Variants in HIP1 observed in about 807,000 individuals in gnomAD.
HIP1 encodes the protein huntingtin interacting protein 1.
Under a neutral mutation model 147.6 loss-of-function variants are expected in HIP1, and 65 were observed. The observed-to-expected ratio is 0.44, with a 90% CI of 0.36 to 0.54. The LOEUF is 0.54. Ranked by LOEUF, HIP1 falls within the 20% of genes least tolerant of loss-of-function variation. The pLI, the probability that HIP1 is intolerant of heterozygous loss-of-function variation, is 0.00. For missense variants in HIP1, 1,061 were observed against 1,299.6 expected (o/e 0.82, Z 2.82); for synonymous variants, 479 against 504.0 (o/e 0.95, Z 0.67).
intron 1 of HIP1, among the ~76,000 whole-genome samples, chr7:75,648,825 G>T (rs1455367763): frequency 2.0e-5 from 3 of 152,026 alleles, no homozygotes; most frequent in Non-Finnish European, 4.4e-5. Flanking sequence ...AGGAATCAGG[G>T]TCAGGTTCAG....
chr7:75,548,091 C>A (rs191650447), intron 23 of HIP1, among the ~76,000 whole-genome samples: 4 of 151,866 alleles, frequency 2.6e-5, no homozygotes, highest in African/African-American at 7.3e-5. Context: ...GTGAGCGGTA[C>A]GATCTCGGCT....
intron 1 of HIP1, among the ~76,000 whole-genome samples, chr7:75,646,819 A>G (rs1460779248): frequency 6.6e-6 from 1 of 152,212 alleles, no homozygotes; most frequent in Admixed American, 6.5e-5. Flanking sequence ...GAGCTGTAGC[A>G]TAAATGAGTG....
chr7:75,625,319 T>C (rs1222582897), intron 1 of HIP1: 1 of 152,326 alleles, frequency 6.6e-6, no homozygotes, highest in Non-Finnish European at 1.5e-5. Flanking sequence ...AACTCACAGA[T>C]CACTAAGACT....
chr7:75,634,447 T>C (rs1179632), intron 1 of HIP1, among the ~76,000 whole-genome samples: 114,017 of 152,210 alleles, frequency 0.75, 43,553 homozygotes, highest in African/African-American at 0.91. Context: ...TCTTTTTCAT[T>C]ACCTTTTATT....
intron 1 of HIP1, 64 bp from the exon 2 acceptor site, chr7:75,599,311 GA>G (rs1796884453): frequency 7.9e-7 from 1 of 1,262,598 alleles, no homozygotes. Context: ...GAGTGGCTGA[GA>G]CCCTCCCAGA....
At position 75,693,919 on chromosome 7, in the gene HIP1, C is replaced by CTTTTTT. The variant is rs10628011; in HGVS notation, c.120+44876_120+44881dup. On this transcript the variant is annotated intron_variant, in intron 1 of 30. Transcript: ENST00000336926. ...GTTCAGAACTATCCAATTCTCTTTT[C>CTTTTTT]TTTTTTTTTTTTTTTTTTGAGATGG... Among the ~76,000 whole-genome samples the CTTTTTT allele has an allele frequency of 1.6e-3, 183 of 114,818 alleles. 3 individuals carry two copies. The highest frequency in any genetic ancestry group is 1.8e-3 in the Non-Finnish European group (106 of 59,380). 75.3% of individuals were successfully genotyped at this position (114,818 alleles called of 152,430 possible).
At chr7:75,660,544 C>CA (rs773805677) in intron 1 of HIP1, among the ~76,000 whole-genome samples, 4 of 151,796 alleles carry the variant, frequency 2.6e-5, no homozygotes, top group Non-Finnish European at 5.9e-5. Flanking sequence ...AAAACACACA[C>CA]AAAAAAGGCA....
intron 1 of HIP1, among the ~76,000 whole-genome samples, chr7:75,681,723 C>T (rs1349294448): frequency 2.6e-5 from 4 of 151,584 alleles, no homozygotes; most frequent in Non-Finnish European, 5.9e-5. Context: ...CCCTGGGTGG[C>T]CTTGAACTCC....
chr7:75,726,803 A>G (rs1170000986), intron 1 of HIP1, among the ~76,000 whole-genome samples: 1 of 150,278 alleles, frequency 6.7e-6, no homozygotes, highest in East Asian at 2.0e-4. Flanking sequence ...CCGCCTCCCA[A>G]ATAGCTGGGA....
At position 75,582,134 on chromosome 7, in the gene HIP1, G is replaced by A; in HGVS notation, c.483C>T (p.Gly161=). 1.2e-6 allele frequency: 2 copies of A among 1,613,808 alleles called. No homozygotes were observed. Among genetic ancestry groups the A allele is most frequent in the East Asian group, 2.2e-5 (1 of 44,868 alleles). The change falls in exon 6 of 31, where the codon GGC becomes GGT. Residue 161 remains glycine (G), a synonymous_variant. Coordinates refer to ENST00000336926, the MANE Select transcript of HIP1 (RefSeq NM_005338.7). ...GCTGGCGGTCACTCATCTGCAGGTT[G>A]CCTGGGAACCTGGGATTCTGGAAGG... ...EYHTKNPRFP[G]NLQMSDRQLD...
chr7:75,554,063 G>A, intron 21 of HIP1, 50 bp downstream of exon 21: 1 of 1,416,792 alleles, frequency 7.1e-7, no homozygotes, highest in South Asian at 1.2e-5. Flanking sequence ...ACTTTTAAAG[G>A]CCCCCTGCTC....
At chr7:75,539,298 G>A (rs911316288) in intron 30 of HIP1, 25 bp downstream of exon 30, 1 of 1,552,154 alleles carries the variant, frequency 6.4e-7, no homozygotes, top group Non-Finnish European at 8.9e-7. Context: ...CTGCGGGTTA[G>A]TGCCCATCCT....
At chr7:75,706,174 A>T (rs1800988018) in intron 1 of HIP1, among the ~76,000 whole-genome samples, 2 of 152,232 alleles carry the variant, frequency 1.3e-5, no homozygotes, top group South Asian at 2.1e-4. Context: ...GGATTACAGG[A>T]GTAAGCCACC....
chr7:75,541,609 T>C (rs1416053751), intron 29 of HIP1, among the ~76,000 whole-genome samples: 10 of 151,502 alleles, frequency 6.6e-5, no homozygotes, highest in East Asian at 1.9e-4. Context: ...AGTAGAAGAA[T>C]TGCTTGAACC....
chr7:75,669,242 G>A (rs1324148058), intron 1 of HIP1, among the ~76,000 whole-genome samples: 6 of 152,158 alleles, frequency 3.9e-5, no homozygotes, highest in South Asian at 4.2e-4. Flanking sequence ...GCATGGCGGC[G>A]GGCGCCTGTA....
chr7:75,644,820 C>G (rs1486884835), intron 1 of HIP1, among the ~76,000 whole-genome samples: 3 of 152,162 alleles, frequency 2.0e-5, no homozygotes, highest in Non-Finnish European at 4.4e-5. Flanking sequence ...AAAGCCTTAG[C>G]CAGGGTGAGG....
chr7:75,719,068 A>G (rs1801410233), intron 1 of HIP1, among the ~76,000 whole-genome samples: 1 of 152,114 alleles, frequency 6.6e-6, no homozygotes, highest in South Asian at 2.1e-4. Context: ...CTGGAATCTC[A>G]GCACTTTGGG....
intron 1 of HIP1, among the ~76,000 whole-genome samples, chr7:75,717,604 G>A (rs562394874): frequency 1.3e-5 from 2 of 149,688 alleles, no homozygotes; most frequent in South Asian, 4.2e-4. Context: ...GGCCAAGGCA[G>A]GCAGATCACT....
At chr7:75,727,339 G>A (rs1284755241) in intron 1 of HIP1, among the ~76,000 whole-genome samples, 2 of 151,472 alleles carry the variant, frequency 1.3e-5, no homozygotes, top group Non-Finnish European at 2.9e-5. Context: ...CAAGGGATCC[G>A]CCCACCTCAG....
Sources: allele counts gnomAD v4.1 joint callset (sites outside exome capture counted in the v4.1 genomes callset), GRCh38; gene constraint gnomAD v4.1.1; transcripts MANE v1.5; gene names NCBI Gene and HGNC (gene_info 2026-07-23, HGNC 2026-07-21).